The following DPP10 variants were observed in gnomAD, a reference collection of about 807,000 sequenced individuals.
The protein encoded by DPP10 is dipeptidyl peptidase like 10, also known as inactive dipeptidyl peptidase 10.
A neutral mutation model predicts 120.9 loss-of-function variants in DPP10; 33 were observed. The ratio of observed to expected loss-of-function variants is 0.27; its 90% CI spans 0.21 to 0.37. DPP10 has a LOEUF of 0.37. Among genes scored for constraint, DPP10 ranks in the 10% least tolerant of loss-of-function variants. The probability of loss-of-function intolerance (pLI) is 1.00; values close to 1 mark genes in which losing one functional copy is unlikely to be tolerated. For missense variants in DPP10, 816 were observed against 942.8 expected (o/e 0.87, Z 1.76); for synonymous variants, 337 against 326.1 (o/e 1.03, Z -0.36).
intron 1 of DPP10, among the ~76,000 whole-genome samples, chr2:115,035,660 A>G (rs1704178934): frequency 6.6e-6 from 1 of 152,136 alleles, no homozygotes; most frequent in Admixed American, 6.5e-5. Flanking sequence ...CACATCCTTT[A>G]CATTTATACC....
intron 1 of DPP10, among the ~76,000 whole-genome samples, chr2:115,167,493 G>A (rs1471944855): frequency 6.6e-6 from 1 of 151,736 alleles, no homozygotes; most frequent in Admixed American, 6.6e-5. Flanking sequence ...TGTGGTCCCA[G>A]CTACTCAGGA....
chr2:115,155,277 G>A (rs140644754), intron 1 of DPP10, among the ~76,000 whole-genome samples: 25 of 152,248 alleles, frequency 1.6e-4, no homozygotes, highest in African/African-American at 5.8e-4. Context: ...ACACTACAAA[G>A]AGTGAAAGAA....
intron 1 of DPP10, among the ~76,000 whole-genome samples, chr2:114,811,175 A>G (rs1341839168): frequency 6.6e-6 from 1 of 152,198 alleles, no homozygotes; most frequent in Non-Finnish European, 1.5e-5. Context: ...AACAGCAGCA[A>G]TGGAACAGCA....
chr2:114,571,246 G>A (rs1400927239), intron 1 of DPP10, among the ~76,000 whole-genome samples: 1 of 152,078 alleles, frequency 6.6e-6, no homozygotes, highest in African/African-American at 2.4e-5. Context: ...CTGTTCTCCT[G>A]AGAGTGAGTG....
intron 1 of DPP10, among the ~76,000 whole-genome samples, chr2:115,165,828 A>C (rs1032444358): frequency 6.6e-6 from 1 of 152,164 alleles, no homozygotes; most frequent in African/African-American, 2.4e-5. Context: ...AAACAACAAA[A>C]ACAAAACCAT....
chr2:114,887,793 C>A (rs1692190977), intron 1 of DPP10, among the ~76,000 whole-genome samples: 1 of 152,106 alleles, frequency 6.6e-6, no homozygotes, highest in African/African-American at 2.4e-5. Context: ...TACTAATGGC[C>A]TGATCTTACA....
intron 3 of DPP10, among the ~76,000 whole-genome samples, chr2:115,401,565 A>G (rs1291080167): frequency 6.6e-6 from 1 of 152,180 alleles, no homozygotes; most frequent in Non-Finnish European, 1.5e-5. Context: ...TCCGGGCGAC[A>G]TTGTGACACC....
At chr2:115,789,701 A>C (rs1683729880) in intron 17 of DPP10, among the ~76,000 whole-genome samples, 4 of 152,222 alleles carry the variant, frequency 2.6e-5, no homozygotes, top group Admixed American at 2.6e-4. Flanking sequence ...ACAAAAAGGA[A>C]GGAAACAAAA....
At chr2:115,478,108 A>G (rs990610742) in intron 3 of DPP10, among the ~76,000 whole-genome samples, 3 of 152,192 alleles carry the variant, frequency 2.0e-5, no homozygotes, top group African/African-American at 7.2e-5. Flanking sequence ...CCCGCAATCT[A>G]GTCAGCTTCC....
At chr2:114,697,749 CAA>C (rs1205351658) in intron 1 of DPP10, among the ~76,000 whole-genome samples, 20 of 89,052 alleles carry the variant, frequency 2.2e-4, no homozygotes, top group South Asian at 4.0e-4. Flanking sequence ...GACTCTGTCT[CAA>C]AAAAAAAAAA....
chr2:115,228,537 C>A (rs2057562680), intron 1 of DPP10, among the ~76,000 whole-genome samples: 1 of 152,076 alleles, frequency 6.6e-6, no homozygotes, highest in Non-Finnish European at 1.5e-5. Context: ...CCATTCCCAG[C>A]CTCTGGTAAC....
At chr2:115,608,066 T>C (rs141804065) in intron 5 of DPP10, among the ~76,000 whole-genome samples, 1 of 152,164 alleles carries the variant, frequency 6.6e-6, no homozygotes, top group East Asian at 1.9e-4. Context: ...GCACAAGCAC[T>C]AACAAAACAG....
intron 19 of DPP10, among the ~76,000 whole-genome samples, chr2:115,804,346 A>G (rs376844587): frequency 1.3e-5 from 2 of 152,092 alleles, no homozygotes; most frequent in East Asian, 3.9e-4. Flanking sequence ...TATTTTTTCA[A>G]AGTTTTTAAC....
intron 5 of DPP10, among the ~76,000 whole-genome samples, chr2:115,614,071 G>C (rs1441315712): frequency 2.6e-5 from 4 of 152,172 alleles, no homozygotes; most frequent in Admixed American, 2.6e-4. Flanking sequence ...CAACACAGCT[G>C]TTCAGCTGGA....
chr2:115,218,457 T>C (rs2056954823), intron 1 of DPP10, among the ~76,000 whole-genome samples: 1 of 152,290 alleles, frequency 6.6e-6, no homozygotes, highest in African/African-American at 2.4e-5. Flanking sequence ...ACATGACATT[T>C]GAATAAAATT....
intron 5 of DPP10, among the ~76,000 whole-genome samples, chr2:115,615,982 GA>G (rs999228562): frequency 6.6e-5 from 10 of 152,106 alleles, no homozygotes; most frequent in African/African-American, 2.2e-4. Context: ...ACAGATTTGA[GA>G]AATTATTAGC....
chr2:115,635,836 G>T (rs2086278386), intron 5 of DPP10, among the ~76,000 whole-genome samples: 2 of 152,080 alleles, frequency 1.3e-5, no homozygotes, highest in African/African-American at 4.8e-5. Context: ...AACTCTTGAT[G>T]TTTCTGTCCT....
intron 5 of DPP10, among the ~76,000 whole-genome samples, chr2:115,610,056 G>A (rs1345831621): frequency 6.6e-6 from 1 of 152,072 alleles, no homozygotes; most frequent in African/African-American, 2.4e-5. Context: ...CAAAAACATG[G>A]TACTGGCTTC....
intron 1 of DPP10, among the ~76,000 whole-genome samples, chr2:114,627,270 A>G (rs1386597767): frequency 6.6e-6 from 1 of 152,146 alleles, no homozygotes; most frequent in Non-Finnish European, 1.5e-5. Context: ...ACAGTATCCA[A>G]AACATTTGAC....
Sources: allele counts gnomAD v4.1 joint callset (sites outside exome capture counted in the v4.1 genomes callset), GRCh38; gene constraint gnomAD v4.1.1; transcripts MANE v1.5; gene names NCBI Gene and HGNC (gene_info 2026-07-23, HGNC 2026-07-21).